Variants in RGSL1 observed in about 807,000 individuals in gnomAD.
The protein encoded by RGSL1 is regulator of G protein signaling like 1, also known as regulator of G protein signaling protein-like.
A neutral mutation model predicts 124.7 loss-of-function variants in RGSL1; 97 were observed. The ratio of observed to expected loss-of-function variants is 0.78; its 90% CI spans 0.66 to 0.92. RGSL1 has a LOEUF of 0.92. Among genes scored for constraint, RGSL1 ranks in the 40% least tolerant of loss-of-function variants. RGSL1 has a pLI of 0.00. For synonymous variants in RGSL1, 424 were observed against 438.1 expected (o/e 0.97, Z 0.40); for missense variants, 1,233 against 1,288.4 (o/e 0.96, Z 0.66).
intron 9 of RGSL1, among the ~76,000 whole-genome samples, chr1:182,520,622 T>A (rs77949955): frequency 0.02 from 3,013 of 152,308 alleles, 102 homozygotes; most frequent in African/African-American, 0.068. Flanking sequence ...AAATTTACTT[T>A]CACTTTGAAA....
chr1:182,462,151 T>A (rs2102002179), intron 4 of RGSL1, among the ~76,000 whole-genome samples: 1 of 152,194 alleles, frequency 6.6e-6, no homozygotes, highest in Middle Eastern at 3.4e-3. Flanking sequence ...AGGATATTCA[T>A]AAGATTATAA....
At chr1:182,487,342 A>G (rs1011164856) in intron 6 of RGSL1, among the ~76,000 whole-genome samples, 1 of 152,212 alleles carries the variant, frequency 6.6e-6, no homozygotes, top group Non-Finnish European at 1.5e-5. Context: ...TCCCTCATAT[A>G]TAATTCCAAT....
chr1:182,488,404 A>G (rs1655255380), intron 7 of RGSL1, 57 bp downstream of exon 7: 3 of 1,430,070 alleles, frequency 2.1e-6, no homozygotes, highest in Non-Finnish European at 2.9e-6. Context: ...AAGAAAGAGT[A>G]ATTACTGTTT....
chr1:182,503,960 C>G (rs1375089491), intron 9 of RGSL1, among the ~76,000 whole-genome samples: 1 of 146,332 alleles, frequency 6.8e-6, no homozygotes, highest in Non-Finnish European at 1.5e-5. Context: ...TTTATTTGGT[C>G]CCTTTTGTAA....
chr1:182,506,489 C>A (rs1421303119), intron 9 of RGSL1, among the ~76,000 whole-genome samples: 1 of 120,452 alleles, frequency 8.3e-6, no homozygotes, highest in South Asian at 2.8e-4. Context: ...TAGAATAATT[C>A]TTTTTCTCTA....
chr1:182,491,130 C>T (rs1655494923), intron 8 of RGSL1, among the ~76,000 whole-genome samples: 1 of 151,910 alleles, frequency 6.6e-6, no homozygotes. Flanking sequence ...TGAAGCCATC[C>T]TCCTGTCTTG....
intron 9 of RGSL1, among the ~76,000 whole-genome samples, chr1:182,509,654 G>A (rs1657196891): frequency 7.4e-6 from 1 of 136,048 alleles, no homozygotes; most frequent in South Asian, 2.4e-4. Flanking sequence ...CGGGGCGGCT[G>A]GCCGGGCGGG....
chr1:182,521,546 T>A (rs547035989), intron 9 of RGSL1, among the ~76,000 whole-genome samples: 1 of 152,310 alleles, frequency 6.6e-6, no homozygotes, highest in East Asian at 1.9e-4. Context: ...TGGAGGGAAC[T>A]CTTAAAAGAA....
chr1:182,518,657 T>A, intron 9 of RGSL1, among the ~76,000 whole-genome samples: 1 of 152,198 alleles, frequency 6.6e-6, no homozygotes, highest in Non-Finnish European at 1.5e-5. Flanking sequence ...ATCTCACTTT[T>A]TGCATTGTAG....
intron 1 of RGSL1, among the ~76,000 whole-genome samples, chr1:182,451,766 T>C (rs758741687): frequency 4.4e-4 from 64 of 145,248 alleles, no homozygotes; most frequent in Non-Finnish European, 6.8e-4. Context: ...ATGGTGGCAG[T>C]ACGTGTAGGG....
chr1:182,527,627 G>A lies in RGSL1; in HGVS notation c.1980G>A (p.Arg660=). 2 of 1,551,570 alleles carry A rather than the reference G, an allele frequency of 1.3e-6. No homozygotes were observed. The highest frequency in any genetic ancestry group is 1.2e-5 in the South Asian group (1 of 84,030). ...ATACACAGCACTTGGAGTTCTTCAG[G>A]GAGTTCCTCAAGGAACGGAAGGCTA... ...LLNTQHLEFF[R]EFLKERKAKI... is the part of the protein sequence containing the mutation. The change falls in exon 11 of 22, where the codon AGG becomes AGA. Residue 660 remains arginine (R), a synonymous_variant. Coordinates refer to ENST00000294854, the MANE Select transcript of RGSL1 (RefSeq NM_001137669.2).
intron 18 of RGSL1, among the ~76,000 whole-genome samples, chr1:182,551,597 T>C (rs956488483): frequency 1.3e-5 from 2 of 152,228 alleles, no homozygotes; most frequent in African/African-American, 4.8e-5. Flanking sequence ...AAACTGCATA[T>C]ATATAGTTTT....
intron 12 of RGSL1, among the ~76,000 whole-genome samples, 177 bp downstream of exon 12, chr1:182,530,538 TACACAC>T (rs34247322): frequency 6.0e-5 from 9 of 149,140 alleles, no homozygotes; most frequent in African/African-American, 2.0e-4. Context: ...CACACACACA[TACACAC>T]ACACACACAC....
At chr1:182,492,790 G>T (rs1386202598) in intron 8 of RGSL1, among the ~76,000 whole-genome samples, 2 of 151,708 alleles carry the variant, frequency 1.3e-5, no homozygotes, top group South Asian at 4.2e-4. Context: ...CACCATACCC[G>T]GCTAATTTTT....
chr1:182,531,914 A>G (rs1659200406), intron 13 of RGSL1, among the ~76,000 whole-genome samples: 1 of 152,206 alleles, frequency 6.6e-6, no homozygotes, highest in African/African-American at 2.4e-5. Flanking sequence ...AGGTTAAGTA[A>G]CTTGACCCAA....
chr1:182,505,503 G>A (rs1656747743), intron 9 of RGSL1, among the ~76,000 whole-genome samples: 1 of 152,098 alleles, frequency 6.6e-6, no homozygotes, highest in South Asian at 2.1e-4. Flanking sequence ...ATTCTCCAAA[G>A]CTCTGATTCT....
intron 4 of RGSL1, among the ~76,000 whole-genome samples, chr1:182,469,049 G>A (rs762508945): frequency 9.2e-5 from 14 of 151,890 alleles, no homozygotes; most frequent in Non-Finnish European, 1.6e-4. Flanking sequence ...TAAATTTAAG[G>A]CATAAAACTA....
chr1:182,550,140 C>T (rs752455617), intron 17 of RGSL1: 2 of 152,206 alleles, frequency 1.3e-5, no homozygotes, highest in African/African-American at 4.8e-5. Flanking sequence ...CACAACCCTA[C>T]ACAGTGGGTG....
rs547791077 is a variant in RGSL1, at chr1:182,488,885, A to T, written c.1495-95A>T. 21 of 939,168 alleles carry T rather than the reference A, an allele frequency of 2.2e-5. No homozygotes were observed. The South Asian group carries it at 3.5e-4, about 16-fold the overall frequency. 58.2% of individuals were successfully genotyped at this position (939,168 alleles called of 1,614,324 possible). A position where few individuals can be genotyped will look rare whatever the true frequency, so the allele number is the denominator to read the frequency against. On this transcript the variant is annotated intron_variant, in intron 7 of 21. Transcript: ENST00000294854. ...AAAACAACCTGCATAAGACCATGTA[A>T]CAGGGAGGCATGGAGCACTGAGTTA...
Sources: allele counts gnomAD v4.1 joint callset (sites outside exome capture counted in the v4.1 genomes callset), GRCh38; gene constraint gnomAD v4.1.1; transcripts MANE v1.5; gene names NCBI Gene and HGNC (gene_info 2026-07-23, HGNC 2026-07-21).